The following DACH1 variants were observed in gnomAD, a reference collection of about 807,000 sequenced individuals.
DACH1 encodes dachshund family transcription factor 1, also known as dachshund homolog 1.
A neutral mutation model predicts 54.2 loss-of-function variants in DACH1; 12 were observed. The ratio of observed to expected loss-of-function variants is 0.22; its 90% CI spans 0.14 to 0.36. DACH1 has a LOEUF of 0.36. Ranked by LOEUF, DACH1 falls within the 10% of genes least tolerant of loss-of-function variation. The pLI, the probability that DACH1 is intolerant of heterozygous loss-of-function variation, is 1.00. For missense variants in DACH1, 805 were observed against 929.8 expected, an observed-to-expected ratio of 0.87 and a Z score of 1.75; for synonymous variants, 386 against 366.2, an observed-to-expected ratio of 1.05 and a Z score of -0.62.
chr13:71,650,386 A>G (rs908208819), intron 2 of DACH1, among the ~76,000 whole-genome samples: 1 of 152,208 alleles, frequency 6.6e-6, no homozygotes, highest in African/African-American at 2.4e-5. Context: ...TCAGAAAAAT[A>G]TAATTTGTTT....
At chr13:71,482,453 A>C (rs576834920) in intron 7 of DACH1, among the ~76,000 whole-genome samples, 7 of 152,334 alleles carry the variant, frequency 4.6e-5, no homozygotes, top group Admixed American at 4.6e-4. Context: ...CTCGAGTGTC[A>C]CTGAAACTCA....
intron 1 of DACH1, among the ~76,000 whole-genome samples, chr13:71,833,145 C>A (rs1888658430): frequency 6.6e-6 from 1 of 151,902 alleles, no homozygotes; most frequent in African/African-American, 2.4e-5. Flanking sequence ...GTAAAAGAAT[C>A]CTAGTGCATC....
chr13:71,487,469 C>T (rs1278975642), intron 7 of DACH1, among the ~76,000 whole-genome samples: 2 of 151,994 alleles, frequency 1.3e-5, no homozygotes, highest in Non-Finnish European at 2.9e-5. Context: ...ATGTGGATAA[C>T]ATTCCTAATC....
chr13:71,672,392 T>C (rs1880257409), intron 2 of DACH1, among the ~76,000 whole-genome samples: 1 of 152,172 alleles, frequency 6.6e-6, no homozygotes, highest in Non-Finnish European at 1.5e-5. Flanking sequence ...TCTAGAAATG[T>C]TGTTCCTGCC....
intron 1 of DACH1, among the ~76,000 whole-genome samples, chr13:71,842,344 G>A (rs946170326): frequency 6.6e-6 from 1 of 152,036 alleles, no homozygotes; most frequent in Non-Finnish European, 1.5e-5. Context: ...GGAAGCCAAA[G>A]TGGGTGGATT....
chr13:71,517,394 T>C lies in DACH1; in HGVS notation c.1571-28246A>G, dbSNP rs148567003. Among the ~76,000 whole-genome samples the C allele has an allele frequency of 4.5e-3, 677 of 152,032 alleles. 4 individuals are homozygous for C. The highest frequency in any genetic ancestry group is 7.6e-3 in the Non-Finnish European group (514 of 67,894). On this transcript the variant is annotated intron_variant, in intron 6 of 10. Coordinates refer to ENST00000613252, the MANE Select transcript of DACH1 (RefSeq NM_080759.6). ...AAGAAATTAACTATATAACTGAATCTTCAAATAATGGTTGTCAACAGGAGC... is the reference window on the plus strand; with the variant it reads ...AAGAAATTAACTATATAACTGAATCCTCAAATAATGGTTGTCAACAGGAGC...
chr13:71,606,021 C>A (rs1359574681), intron 3 of DACH1, among the ~76,000 whole-genome samples: 2 of 152,032 alleles, frequency 1.3e-5, no homozygotes, highest in Non-Finnish European at 2.9e-5. Context: ...TGTTGTGATA[C>A]AGTGATCAAC....
chr13:71,447,369 G>A (rs1002999330), intron 10 of DACH1, among the ~76,000 whole-genome samples: 3 of 151,988 alleles, frequency 2.0e-5, no homozygotes, highest in East Asian at 1.9e-4. Flanking sequence ...TTGTATTCAT[G>A]GATTAAGTTT....
intron 6 of DACH1, among the ~76,000 whole-genome samples, chr13:71,518,352 C>T (rs1881316621): frequency 6.6e-6 from 1 of 151,574 alleles, no homozygotes; most frequent in South Asian, 2.1e-4. Context: ...CAAAACTACC[C>T]AAACCTTGAT....
intron 10 of DACH1, chr13:71,464,478 A>C: frequency 6.1e-6 from 2 of 328,826 alleles, no homozygotes; most frequent in Non-Finnish European, 1.2e-5. Flanking sequence ...TTTTATTTTA[A>C]TGAAGATGAG....
intron 10 of DACH1, among the ~76,000 whole-genome samples, chr13:71,452,525 A>C (rs1875162367): frequency 6.6e-6 from 1 of 152,218 alleles, no homozygotes; most frequent in Non-Finnish European, 1.5e-5. Context: ...ATAACTAGTT[A>C]AAGATTTACC....
intron 2 of DACH1, among the ~76,000 whole-genome samples, chr13:71,634,583 A>C (rs147764496): frequency 0.013 from 2,006 of 152,290 alleles, 27 homozygotes; most frequent in Middle Eastern, 0.085. Flanking sequence ...TTATGCGCTC[A>C]GAGCTGGAGG....
At chr13:71,848,966 A>G (rs1873480312) in intron 1 of DACH1, among the ~76,000 whole-genome samples, 1 of 152,178 alleles carries the variant, frequency 6.6e-6, no homozygotes, top group Admixed American at 6.5e-5. Context: ...TCACCCAGGC[A>G]ATTCACATAC....
chr13:71,824,490 T>A lies in DACH1; in HGVS notation c.848+41432A>T, dbSNP rs73503525. ...TTCTTGCCAGAGTAATATGCATGAG[T>A]AATAATCACCCAGCACATGGCAGGG... On this transcript the variant is annotated intron_variant, in intron 1 of 10. Coordinates refer to ENST00000613252, the MANE Select transcript of DACH1 (RefSeq NM_080759.6). Among the ~76,000 whole-genome samples the A allele has an allele frequency of 5.7e-3, 873 of 151,962 alleles. 5 individuals carry two copies. The highest frequency in any genetic ancestry group is 0.02 in the African/African-American group (837 of 41,506).
chr13:71,757,503 A>G (rs575491682), intron 1 of DACH1, among the ~76,000 whole-genome samples: 95 of 151,566 alleles, frequency 6.3e-4, no homozygotes, highest in Middle Eastern at 3.4e-3. Context: ...TTGAAAAGCC[A>G]AGAGAATTTT....
intron 1 of DACH1, among the ~76,000 whole-genome samples, chr13:71,784,641 T>G (rs1482325380): frequency 6.6e-6 from 1 of 152,142 alleles, no homozygotes; most frequent in Non-Finnish European, 1.5e-5. Flanking sequence ...AGAAGTCCAC[T>G]GCCCTCTCCT....
chr13:71,823,856 A>G (rs1888285679), intron 1 of DACH1, among the ~76,000 whole-genome samples: 3 of 152,132 alleles, frequency 2.0e-5, no homozygotes, highest in Non-Finnish European at 2.9e-5. Context: ...ATCTGCAAAA[A>G]TAATGCATAA....
At chr13:71,491,781 T>C (rs1336869932) in intron 6 of DACH1, among the ~76,000 whole-genome samples, 1 of 152,188 alleles carries the variant, frequency 6.6e-6, no homozygotes, top group Non-Finnish European at 1.5e-5. Context: ...CGTTTAGCTC[T>C]TCCTACAAAG....
At chr13:71,735,704 G>A (rs974827060) in intron 1 of DACH1, among the ~76,000 whole-genome samples, 1 of 151,426 alleles carries the variant, frequency 6.6e-6, no homozygotes, top group Non-Finnish European at 1.5e-5. Context: ...TGCTTAGATG[G>A]GTTAAGATTC....
Sources: gnomAD v4.1 joint callset for allele counts (sites outside exome capture counted in the v4.1 genomes callset) on GRCh38, gnomAD v4.1.1 for gene constraint, MANE v1.5 for transcripts, NCBI Gene and HGNC (gene_info 2026-07-23, HGNC 2026-07-21) for gene names.